The following VPS13A variants were observed in gnomAD, a reference collection of about 807,000 sequenced individuals.
VPS13A encodes the protein vacuolar protein sorting 13 homolog A, also known as intermembrane lipid transfer protein VPS13A.
Under a neutral mutation model 390.9 loss-of-function variants are expected in VPS13A, and 264 were observed. That is an observed-to-expected ratio of 0.68 (90% CI 0.61 to 0.75). The LOEUF is 0.75. VPS13A is among the 30% of genes least tolerant of loss of function. The pLI is 0.00. For synonymous variants in VPS13A, 1,231 were observed against 1,227.1 expected (o/e 1.00, Z -0.07); for missense variants, 3,409 against 3,733.9 (o/e 0.91, Z 2.27).
Position 77,318,404 on chromosome 9 carries a change from T to C in VPS13A, c.5126T>C (p.Ile1709Thr), listed in dbSNP as rs973748739. ...GAAGAATCAAATGAAACTGAAAAAA[T>C]AGCTCCCACAACTGAATTGGTACCC... is the stretch of plus-strand genomic sequence containing the variant. Reference protein sequence around the residue: ...FLEESNETEKIAPTTELVPKG... With the variant: ...FLEESNETEKTAPTTELVPKG... Residue 1709 changes from isoleucine to threonine, a missense_variant, in exon 41 of 72, where the codon ATA becomes ACA. Around this residue, in one of 5 missense-constraint regions of VPS13A, gnomAD observed 2,717 missense variants for 2,917.4 expected, o/e 0.93. Transcript: ENST00000360280. The C allele has an allele frequency of 5.0e-6, 8 of 1,613,692 alleles. No individual in the cohort carries two copies. The highest frequency in any genetic ancestry group is 6.8e-6 in the Non-Finnish European group (8 of 1,179,886).
At chr9:77,211,488 T>G (rs1825970926) in intron 7 of VPS13A, 1 of 152,176 alleles carries the variant, frequency 6.6e-6, no homozygotes, top group Non-Finnish European at 1.5e-5. Context: ...ATTTGTTGTA[T>G]CTATTGGGTT....
chr9:77,279,276 G>A (rs572848897), intron 26 of VPS13A, among the ~76,000 whole-genome samples: 1 of 152,062 alleles, frequency 6.6e-6, no homozygotes, highest in African/African-American at 2.4e-5. Context: ...GGAGTGGGAA[G>A]GTGGTCTTCC....
At position 77,260,204 on chromosome 9, in the gene VPS13A, G is replaced by T; in HGVS notation, c.2407G>T (p.Ala803Ser). Residue 803 changes from alanine to serine, a missense_variant, in exon 23 of 72, where the codon GCC becomes TCC. Physicochemically the swap from Ala to Ser is moderately conservative, Grantham distance 99. Around this residue, in one of 5 missense-constraint regions of VPS13A, gnomAD observed 2,717 missense variants for 2,917.4 expected, o/e 0.93. Coordinates refer to ENST00000360280, the MANE Select transcript of VPS13A (RefSeq NM_033305.3). ...PKPEPVTEVSAPVKSFQIQTS... is the reference protein window; with the variant it reads ...PKPEPVTEVSSPVKSFQIQTS... Reference sequence around the variant, plus strand: ...ACCTGAACCAGTAACTGAAGTATCTGCCCCTGTCAAATCATTCCAGGTAAT... The same window carrying T: ...ACCTGAACCAGTAACTGAAGTATCTTCCCCTGTCAAATCATTCCAGGTAAT... The T allele has an allele frequency of 6.2e-7, 1 of 1,613,348 alleles. No homozygotes were observed. Among genetic ancestry groups the T allele is most frequent in the Non-Finnish European group, 8.5e-7 (1 of 1,179,648 alleles).
In VPS13A at chr9:77,282,201, G is replaced by T. The variant is rs11145366; in HGVS notation, c.3045G>T (p.Pro1015=). 2.5e-6 allele frequency: 4 copies of T among 1,613,040 alleles called. No individual in the cohort carries two copies. The highest frequency in any genetic ancestry group is 2.2e-5 in the East Asian group (1 of 44,752). The change falls in exon 29 of 72, where the codon CCG becomes CCT. Residue 1015 remains proline (P), a synonymous_variant. Transcript: ENST00000360280. ...NTINYLHNIL[P]QSEEKSAPVS... ...TAAATTATCTTCATAATATCCTTCC[G>T]CAATCAGAGGAAAAATCAGCCCCAG...
intron 71 of VPS13A, among the ~76,000 whole-genome samples, chr9:77,411,537 C>A (rs1198175356): frequency 6.6e-6 from 1 of 151,632 alleles, no homozygotes; most frequent in East Asian, 1.9e-4. Flanking sequence ...GTGGCGGGCG[C>A]CTGTAGTCCC....
intron 35 of VPS13A, among the ~76,000 whole-genome samples, chr9:77,309,252 A>G (rs775150302): frequency 2.6e-4 from 40 of 152,304 alleles, no homozygotes; most frequent in Admixed American, 1.4e-3. Context: ...GAGTTGGAAT[A>G]TTTGGTTGAG....
chr9:77,221,445 C>T, intron 13 of VPS13A, 89 bp downstream of exon 13: 1 of 1,412,414 alleles, frequency 7.1e-7, no homozygotes. Flanking sequence ...CCTTTCATTC[C>T]AATTTTTATT....
chr9:77,258,131 A>G (rs2131288106), intron 22 of VPS13A, among the ~76,000 whole-genome samples: 1 of 152,308 alleles, frequency 6.6e-6, no homozygotes, highest in East Asian at 1.9e-4. Flanking sequence ...TTTAGACTGT[A>G]GGTAGTCATT....
At chr9:77,276,256 A>G in intron 26 of VPS13A, 35 bp downstream of exon 26, 1 of 1,514,182 alleles carries the variant, frequency 6.6e-7, no homozygotes, top group Non-Finnish European at 8.9e-7. Flanking sequence ...AAATAAATTA[A>G]TTTCATTGTT....
chr9:77,214,086 G>GC (rs1826120767), intron 9 of VPS13A, among the ~76,000 whole-genome samples: 1 of 151,922 alleles, frequency 6.6e-6, no homozygotes, highest in Admixed American at 6.6e-5. Context: ...GACCAGCATA[G>GC]CCAACATGTT....
At chr9:77,339,285 G>A (rs1452026975) in intron 47 of VPS13A, 2 of 514,780 alleles carry the variant, frequency 3.9e-6, no homozygotes, top group Admixed American at 7.3e-5. Flanking sequence ...GTCCTTTGAA[G>A]TAAGTCATTT....
rs900322374 is a variant in VPS13A at position 77,194,523 on chromosome 9, A to G, written c.101-5422A>G. On this transcript the variant is annotated intron_variant, in intron 1 of 71. Coordinates refer to ENST00000360280, the MANE Select transcript of VPS13A (RefSeq NM_033305.3). ...GCTCCACTGCAGCCATTCCCACACC[A>G]GGCCTTCTGGGCTCCGTGCAGACTG... Among the ~76,000 whole-genome samples, 7 of 152,156 alleles carry G rather than the reference A, an allele frequency of 4.6e-5. 1 individual carries two copies. Among genetic ancestry groups the G allele is most frequent in the Non-Finnish European group, 1.0e-4 (7 of 68,018 alleles).
At chr9:77,297,243 A>G (rs1278818592) in intron 33 of VPS13A, among the ~76,000 whole-genome samples, 1 of 152,092 alleles carries the variant, frequency 6.6e-6, no homozygotes, top group Non-Finnish European at 1.5e-5. Flanking sequence ...ATGACGTGCT[A>G]TAAATTGGAG....
intron 68 of VPS13A, chr9:77,383,050 G>A (rs1833524924): frequency 1.0e-6 from 1 of 984,080 alleles, no homozygotes; most frequent in Non-Finnish European, 1.2e-6. Flanking sequence ...ACTCATGGTA[G>A]CAATAAACTG....
rs373128010 is a variant in VPS13A, at chr9:77,201,209, A to T, written c.145-156A>T. On this transcript the variant is annotated intron_variant, in intron 2 of 71. Coordinates refer to ENST00000360280, the MANE Select transcript of VPS13A (RefSeq NM_033305.3). ...TGGATTTGATAGTAATATTGCAGTT[A>T]TATGTTTATATATTTAAATAAATGT... Among the ~76,000 whole-genome samples the T allele has an allele frequency of 1.3e-3, 196 of 152,242 alleles. 1 individual carries two copies. Among genetic ancestry groups the T allele is most frequent in the Non-Finnish European group, 2.5e-3 (170 of 67,990 alleles).
At chr9:77,301,340 C>G (rs965290105) in intron 33 of VPS13A, among the ~76,000 whole-genome samples, 2 of 152,026 alleles carry the variant, frequency 1.3e-5, no homozygotes, top group African/African-American at 4.8e-5. Context: ...CCTAGCCTAA[C>G]TGAAAAAAAG....
chr9:77,321,639 T>C lies in VPS13A; in HGVS notation c.5723T>C (p.Val1908Ala). 6.2e-7 allele frequency: 1 copy of C among 1,613,392 alleles called. No individual in the cohort carries two copies. The highest frequency in any genetic ancestry group is 8.5e-7 in the Non-Finnish European group (1 of 1,179,582). Residue 1908 changes from valine to alanine, a missense_variant, in exon 44 of 72, where the codon GTA (valine) becomes GCA (alanine). Physicochemically the swap from Val to Ala is moderately conservative, Grantham distance 64. This residue lies in a region of VPS13A where 2,717 missense variants were observed against 2,917.4 expected (regional missense o/e 0.93). Transcript: ENST00000360280. ...AACATTCCTATGGCAAAATCATATG[T>C]ATTGAAAAATGGAGAAAGTTTAAGT... ...VLNIPMAKSYVLKNGESLSMD... is the reference protein window; with the variant it reads ...VLNIPMAKSYALKNGESLSMD...
Position 77,317,684 on chromosome 9 carries a change from TC to T in VPS13A, c.4945del (p.Leu1649Ter). Reference protein sequence around the residue: ...DPQVIDMSVKSLTLKVSPVII... With the variant: ...DPQVIDMSVKXLTLKVSPVII... The stretch of plus-strand genomic sequence containing the variant: ...ACAAGTGATCGATATGTCAGTAAAA[TC>T]CCTGACACTAAAGGTAAATTAAAAT... On this transcript the variant is annotated frameshift_variant, in exon 40 of 72. Coordinates refer to ENST00000360280, the MANE Select transcript of VPS13A (RefSeq NM_033305.3). LOFTEE classifies it high-confidence loss of function. The T allele has an allele frequency of 2.5e-6, 4 of 1,594,948 alleles. No homozygotes were observed. The highest frequency in any genetic ancestry group is 2.6e-6 in the Non-Finnish European group (3 of 1,169,472).
rs201081213 is a variant in VPS13A at position 77,353,430 on chromosome 9, T to C, written c.7441T>C (p.Leu2481=). Residue 2481 remains leucine, a synonymous_variant, in exon 54 of 72, where the codon TTG becomes CTG. Transcript: ENST00000360280. ...CTAGGATATGATGATGCCTATAGAT[T>C]TGGGGGAAAAGACAATATATTTAGT... The part of the protein sequence containing the change: ...QKDDMMMPID[L]GEKTIYLVSF... 2 of 1,611,592 alleles carry C rather than the reference T, an allele frequency of 1.2e-6. No individual in the cohort carries two copies. Among genetic ancestry groups the C allele is most frequent in the Non-Finnish European group, 1.7e-6 (2 of 1,178,888 alleles).
Sources: gnomAD v4.1 joint callset for allele counts (sites outside exome capture counted in the v4.1 genomes callset) on GRCh38, gnomAD v4.1.1 for gene constraint, gnomAD v4.1.1 regional missense constraint, MANE v1.5 for transcripts, NCBI Gene and HGNC (gene_info 2026-07-23, HGNC 2026-07-21) for gene names.